NOXRED1: variants seen among roughly 807,000 people sequenced by gnomAD.
NOXRED1 encodes NADP dependent oxidoreductase domain containing 1.
In NOXRED1, 20 loss-of-function variants were observed where a neutral mutation model predicts 30.4. That is an observed-to-expected ratio of 0.66 (90% CI 0.46 to 0.96). NOXRED1 has a LOEUF of 0.96. NOXRED1 is among the 40% of genes least tolerant of loss of function. The pLI is 0.00. For synonymous variants in NOXRED1, 155 were observed against 168.0 expected, an observed-to-expected ratio of 0.92 and a Z score of 0.60; for missense variants, 374 against 428.0, an observed-to-expected ratio of 0.87 and a Z score of 1.11.
intron 1 of NOXRED1, among the ~76,000 whole-genome samples, chr14:77,419,778 C>T (rs923762136): frequency 6.6e-6 from 1 of 151,994 alleles, no homozygotes; most frequent in African/African-American, 2.4e-5. Flanking sequence ...CCCCTTTCAG[C>T]ACTTTGAATA....
chr14:77,403,804 A>C (rs543257805), intron 5 of NOXRED1, among the ~76,000 whole-genome samples: 4 of 152,316 alleles, frequency 2.6e-5, no homozygotes, highest in Admixed American at 2.6e-4. Flanking sequence ...TCCAGAAAGG[A>C]AAGAAACAGG....
At chr14:77,407,679 G>A (rs1340000924) in intron 2 of NOXRED1, 34 bp from the exon 3 acceptor site, 3 of 1,510,752 alleles carry the variant, frequency 2.0e-6, no homozygotes, top group Admixed American at 1.7e-5. Flanking sequence ...GAAGAGCACA[G>A]TACTAAAGAG....
At chr14:77,425,848 A>T (rs1895109255), upstream of NOXRED1, among the ~76,000 whole-genome samples, 1 of 152,258 alleles carries the variant, frequency 6.6e-6, no homozygotes, top group Non-Finnish European at 1.5e-5. Flanking sequence ...TATTGCCTTA[A>T]GGCATGGCAT....
intron 5 of NOXRED1, among the ~76,000 whole-genome samples, chr14:77,396,620 C>G (rs1415945394): frequency 6.6e-6 from 1 of 152,124 alleles, no homozygotes; most frequent in Non-Finnish European, 1.5e-5. Context: ...AATAAACATA[C>G]AAATATCAAT....
chr14:77,417,639 G>C (rs577393545), intron 1 of NOXRED1, among the ~76,000 whole-genome samples: 19 of 152,282 alleles, frequency 1.2e-4, no homozygotes, highest in South Asian at 1.2e-3. Flanking sequence ...TCTATGGTCT[G>C]ACTTTCAGCC....
At chr14:77,419,336 G>C (rs1894921510) in intron 1 of NOXRED1, among the ~76,000 whole-genome samples, 1 of 150,726 alleles carries the variant, frequency 6.6e-6, no homozygotes, top group Non-Finnish European at 1.5e-5. Flanking sequence ...GCCTCCCAAA[G>C]TGCTGGGGTC....
intron 1 of NOXRED1, among the ~76,000 whole-genome samples, chr14:77,421,613 G>A (rs1894994313): frequency 6.6e-6 from 1 of 152,168 alleles, no homozygotes; most frequent in Non-Finnish European, 1.5e-5. Flanking sequence ...AAAAAGAACA[G>A]AACTGAGAAA....
At chr14:77,410,807 T>C (rs1051746513) in intron 2 of NOXRED1, among the ~76,000 whole-genome samples, 1 of 152,114 alleles carries the variant, frequency 6.6e-6, no homozygotes, top group Non-Finnish European at 1.5e-5. Flanking sequence ...TATATTAAAA[T>C]GGTGATGTTA....
At chr14:77,395,812 A>G (rs1566704532) in intron 5 of NOXRED1, among the ~76,000 whole-genome samples, 1 of 152,144 alleles carries the variant, frequency 6.6e-6, no homozygotes, top group African/African-American at 2.4e-5. Context: ...CTAAAAAAAC[A>G]GAGAGGAAAG....
Position 77,422,909 on chromosome 14 carries a change from G to A in NOXRED1, c.-20C>T. 1.2e-6 allele frequency: 2 copies of A among 1,606,032 alleles called. No homozygotes were observed. The highest frequency in any genetic ancestry group is 1.7e-6 in the Non-Finnish European group (2 of 1,176,138). On this transcript the variant is annotated 5_prime_UTR_variant, in exon 1 of 6. Coordinates refer to ENST00000380835, the MANE Select transcript of NOXRED1 (RefSeq NM_001113475.3). ...GTCCATTTCCAAGCCACTATTTCCT[G>A]CAGTGATAGACACTAATCAATTTGG...
intron 5 of NOXRED1, among the ~76,000 whole-genome samples, chr14:77,396,280 G>A (rs897605938): frequency 2.4e-5 from 3 of 126,222 alleles, no homozygotes; most frequent in African/African-American, 6.2e-5. Context: ...ATGGAGTTTC[G>A]CTCTTGTTGC....
intron 2 of NOXRED1, among the ~76,000 whole-genome samples, chr14:77,408,015 G>A (rs1894529210): frequency 6.6e-6 from 1 of 151,980 alleles, no homozygotes; most frequent in South Asian, 2.1e-4. Flanking sequence ...TTACAGGCAT[G>A]CGCCACCATG....
At chr14:77,418,988 T>C (rs1894909130) in intron 1 of NOXRED1, among the ~76,000 whole-genome samples, 1 of 152,216 alleles carries the variant, frequency 6.6e-6, no homozygotes, top group South Asian at 2.1e-4. Context: ...AACTTAAGGA[T>C]TCCCTTCAGC....
chr14:77,417,537 A>G (rs1213551844), intron 1 of NOXRED1, among the ~76,000 whole-genome samples: 1 of 152,178 alleles, frequency 6.6e-6, no homozygotes, highest in Non-Finnish European at 1.5e-5. Context: ...TTTGTCTCTC[A>G]TGACAGTTTT....
chr14:77,406,622 CACACACACACACAGAG>C lies in NOXRED1; in HGVS notation c.682+86_682+101del, dbSNP rs758538630. 1,765 of 879,840 alleles carry C rather than the reference CACACACACACACAGAG, an allele frequency of 2.0e-3. 20 individuals are homozygous for C. The highest frequency in any genetic ancestry group is 0.011 in the Middle Eastern group (39 of 3,546). The allele number at this position is 879,840 out of a possible 1,614,324, so 54.5% of individuals were successfully genotyped here. On this transcript the variant is annotated intron_variant, in intron 4 of 5. Coordinates refer to ENST00000380835, the MANE Select transcript of NOXRED1 (RefSeq NM_001113475.3). The stretch of plus-strand genomic sequence containing the variant: ...ACACACACACACACACACACACACA[CACACACACACACAGAG>C]AGAGAGAGATTGATTTAATAAGATA...
chr14:77,423,108 C>A lies in NOXRED1; in HGVS notation c.-219G>T, dbSNP rs555959973. The A allele has an allele frequency of 1.6e-5, 8 of 490,138 alleles. 1 individual carries two copies. Among genetic ancestry groups the A allele is most frequent in the African/African-American group, 1.2e-4 (6 of 50,468 alleles). 30.4% of individuals were successfully genotyped at this position (490,138 alleles called of 1,614,324 possible). On this transcript the variant is annotated 5_prime_UTR_variant, in exon 1 of 6. Coordinates refer to ENST00000380835, the MANE Select transcript of NOXRED1 (RefSeq NM_001113475.3). ...TCTAGAGTGTGAGTGTTTGAGGATT[C>A]CTAATCACTGGCTGCCCATGAATCC...
chr14:77,406,646 G>A (rs1490974056), intron 4 of NOXRED1, 78 bp downstream of exon 4: 1 of 1,237,662 alleles, frequency 8.1e-7, no homozygotes, highest in African/African-American at 1.5e-5. Flanking sequence ...GAGAGAGAGA[G>A]ATTGATTTAA....
Position 77,406,141 on chromosome 14 carries a change from C to T in NOXRED1, c.683-6G>A. ...GATATTGAGGATTATTCCCCCTACA[C>T]ATCAATGAGAAGGTAAATACCAGTT... On this transcript the variant is annotated splice_region_variant and splice_polypyrimidine_tract_variant and intron_variant, in intron 4 of 5. Transcript: ENST00000380835. 3 of 1,597,936 alleles carry T rather than the reference C, an allele frequency of 1.9e-6. No individual in the cohort carries two copies. The highest frequency in any genetic ancestry group is 2.6e-6 in the Non-Finnish European group (3 of 1,166,102).
chr14:77,415,730 G>A (rs1488713623), intron 1 of NOXRED1, among the ~76,000 whole-genome samples: 2 of 135,642 alleles, frequency 1.5e-5, no homozygotes, highest in African/African-American at 5.8e-5. Context: ...TTTTTTTTTC[G>A]AGACAGTCTC....
Sources: allele counts gnomAD v4.1 joint callset (sites outside exome capture counted in the v4.1 genomes callset), GRCh38; gene constraint gnomAD v4.1.1; transcripts MANE v1.5; gene names NCBI Gene and HGNC (gene_info 2026-07-23, HGNC 2026-07-21).